CSMD1: variants seen among roughly 807,000 people sequenced by gnomAD.
CSMD1 encodes CUB and sushi domain-containing protein 1.
Under a neutral mutation model 417.5 loss-of-function variants are expected in CSMD1, and 213 were observed. That is an observed-to-expected ratio of 0.51 (90% CI 0.46 to 0.57). The LOEUF is 0.57. Ranked by LOEUF, CSMD1 falls within the 20% of genes least tolerant of loss-of-function variation. The pLI is 0.00. For synonymous variants in CSMD1, 2,862 were observed against 1,736.8 expected (o/e 1.65, Z -16.11); for missense variants, 6,923 against 4,529.7 (o/e 1.53, Z -15.17).
intron 5 of CSMD1, among the ~76,000 whole-genome samples, chr8:3,846,067 A>G (rs1050139456): frequency 6.8e-6 from 1 of 148,050 alleles, no homozygotes; most frequent in Admixed American, 6.8e-5. Context: ...AAATTAAAAA[A>G]AAAATAATAA....
At chr8:4,138,205 A>AT (rs562419797) in intron 3 of CSMD1, among the ~76,000 whole-genome samples, 11,977 of 69,400 alleles carry the variant, frequency 0.17, 2,433 homozygotes, top group African/African-American at 0.34. Flanking sequence ...GCAGCCTTAC[A>AT]TTTTTTTTTT....
At chr8:4,429,337 T>A (rs142738743) in intron 2 of CSMD1, among the ~76,000 whole-genome samples, 2 of 152,236 alleles carry the variant, frequency 1.3e-5, no homozygotes, top group African/African-American at 4.8e-5. Flanking sequence ...CATGTGTATA[T>A]GTGTGTATAC....
intron 7 of CSMD1, among the ~76,000 whole-genome samples, chr8:3,694,182 G>C (rs994303805): frequency 6.6e-6 from 1 of 152,014 alleles, no homozygotes; most frequent in Admixed American, 6.6e-5. Flanking sequence ...CACCAACAAG[G>C]TGAATGTGTC....
At chr8:4,716,775 G>A (rs980438438) in intron 1 of CSMD1, among the ~76,000 whole-genome samples, 5 of 152,136 alleles carry the variant, frequency 3.3e-5, no homozygotes, top group African/African-American at 9.7e-5. Context: ...AGTGTGGCAG[G>A]AAAGAAATCA....
At chr8:3,079,053 T>C (rs1189664136) in intron 49 of CSMD1, among the ~76,000 whole-genome samples, 5 of 152,106 alleles carry the variant, frequency 3.3e-5, no homozygotes, top group East Asian at 1.9e-4. Context: ...AGCCAGCAAA[T>C]GCTGGGGATG....
At chr8:2,986,158 A>C (rs906637234) in intron 54 of CSMD1, among the ~76,000 whole-genome samples, 2 of 152,180 alleles carry the variant, frequency 1.3e-5, no homozygotes, top group Non-Finnish European at 2.9e-5. Context: ...ATTGTAATTG[A>C]CAATTGTAAT....
At chr8:3,652,398 G>A (rs13438966) in intron 7 of CSMD1, among the ~76,000 whole-genome samples, 39,094 of 152,080 alleles carry the variant, frequency 0.26, 5,255 homozygotes, top group Admixed American at 0.33. Flanking sequence ...TCACAAATAC[G>A]TTGACTTGTT....
chr8:4,181,536 A>C (rs542892858), intron 3 of CSMD1, among the ~76,000 whole-genome samples: 1 of 152,260 alleles, frequency 6.6e-6, no homozygotes, highest in East Asian at 1.9e-4. Flanking sequence ...ATTTTAAGAA[A>C]GTTTATGAAT....
intron 12 of CSMD1, among the ~76,000 whole-genome samples, chr8:3,427,045 T>G (rs944530216): frequency 3.3e-5 from 5 of 152,128 alleles, no homozygotes; most frequent in Admixed American, 6.5e-5. Flanking sequence ...ACACATCTCA[T>G]GAGAACTCAC....
chr8:3,829,981 G>C (rs1038536977), intron 5 of CSMD1, among the ~76,000 whole-genome samples: 2 of 151,958 alleles, frequency 1.3e-5, no homozygotes, highest in Non-Finnish European at 2.9e-5. Context: ...TATGTTTTTT[G>C]TTTATACATT....
chr8:3,708,256 A>G (rs868201958), intron 7 of CSMD1, among the ~76,000 whole-genome samples, 158 bp downstream of exon 7: 3 of 152,340 alleles, frequency 2.0e-5, no homozygotes, highest in South Asian at 2.1e-4. Context: ...AAGTGAAGTT[A>G]GTGCATGTTC....
At chr8:4,048,884 G>A (rs933541107) in intron 3 of CSMD1, among the ~76,000 whole-genome samples, 21 of 152,146 alleles carry the variant, frequency 1.4e-4, no homozygotes, top group African/African-American at 3.9e-4. Context: ...TTTTACAGCT[G>A]CTACATACAA....
intron 9 of CSMD1, among the ~76,000 whole-genome samples, chr8:3,580,164 G>T (rs1175859177): frequency 1.3e-5 from 2 of 152,130 alleles, no homozygotes; most frequent in African/African-American, 4.8e-5. Flanking sequence ...ATCATGAGTT[G>T]AACACTGAGG....
chr8:3,677,793 T>G (rs1288230046), intron 7 of CSMD1, among the ~76,000 whole-genome samples: 1 of 152,210 alleles, frequency 6.6e-6, no homozygotes, highest in East Asian at 1.9e-4. Context: ...ATGTGCAATT[T>G]TTTAAAACCA....
chr8:3,439,036 T>G (rs1254614278), intron 12 of CSMD1, among the ~76,000 whole-genome samples: 1 of 139,132 alleles, frequency 7.2e-6, no homozygotes, highest in Non-Finnish European at 1.5e-5. Flanking sequence ...GCAGGGAGAA[T>G]TGCTTCAATC....
At chr8:3,425,949 A>AG (rs1298585854) in intron 12 of CSMD1, among the ~76,000 whole-genome samples, 1 of 152,198 alleles carries the variant, frequency 6.6e-6, no homozygotes. Context: ...CTAGAATAAA[A>AG]GGGGTTTTAT....
Position 2,952,586 on chromosome 8 carries a change from T to G in CSMD1, c.10040-1311A>C, listed in dbSNP as rs150702732. ...AATCACTGATTTTAGACACATCTGC[T>G]TAGCCACTGTCAGCACAACAGAGGC... On this transcript the variant is annotated intron_variant, in intron 65 of 69. Transcript: ENST00000635120. 2.7e-3 allele frequency among the ~76,000 whole-genome samples: 407 copies of G among 152,346 alleles called. 11 individuals carry two copies. In the East Asian group the frequency reaches 0.071, roughly 27 times the overall value.
At chr8:3,336,862 G>C (rs1442039436) in intron 23 of CSMD1, among the ~76,000 whole-genome samples, 1 of 152,112 alleles carries the variant, frequency 6.6e-6, no homozygotes, top group Non-Finnish European at 1.5e-5. Context: ...TTAATCTGTA[G>C]CATGTCTGAG....
At chr8:4,768,027 C>T (rs1189342206) in intron 1 of CSMD1, among the ~76,000 whole-genome samples, 1 of 152,204 alleles carries the variant, frequency 6.6e-6, no homozygotes, top group Non-Finnish European at 1.5e-5. Context: ...TCAACAGACA[C>T]ATGCGTTGAG....
Sources: gnomAD v4.1 joint callset for allele counts (sites outside exome capture counted in the v4.1 genomes callset) on GRCh38, gnomAD v4.1.1 for gene constraint, MANE v1.5 for transcripts, NCBI Gene and HGNC (gene_info 2026-07-23, HGNC 2026-07-21) for gene names.